CEP128: variants seen among roughly 807,000 people sequenced by gnomAD.
The protein encoded by CEP128 is centrosomal protein 128kDa.
In CEP128, 132 loss-of-function variants were observed where a neutral mutation model predicts 156.7. That is an observed-to-expected ratio of 0.84 (90% CI 0.73 to 0.97). The LOEUF is 0.97. Among genes scored for constraint, CEP128 ranks in the 50% least tolerant of loss-of-function variants. CEP128 has a pLI of 0.00. For synonymous variants in CEP128, 469 were observed against 448.9 expected (o/e 1.04, Z -0.57); for missense variants, 1,252 against 1,281.9 (o/e 0.98, Z 0.36).
chr14:80,773,323 C>T (rs2139746141), intron 16 of CEP128, among the ~76,000 whole-genome samples: 1 of 152,010 alleles, frequency 6.6e-6, no homozygotes, highest in Non-Finnish European at 1.5e-5. Context: ...ATAAATTTTT[C>T]TCATTGTATA....
At chr14:80,820,419 C>T (rs1440865059) in intron 13 of CEP128, among the ~76,000 whole-genome samples, 1 of 152,020 alleles carries the variant, frequency 6.6e-6, no homozygotes, top group Non-Finnish European at 1.5e-5. Flanking sequence ...AGGGGCAGAC[C>T]CAAAGCTATG....
chr14:80,894,902 G>A (rs1279404524), intron 8 of CEP128, among the ~76,000 whole-genome samples: 2 of 150,820 alleles, frequency 1.3e-5, no homozygotes, highest in African/African-American at 4.9e-5. Flanking sequence ...ATTAACAACT[G>A]GAGAAAAATT....
At chr14:80,543,142 G>A (rs1464162756) in intron 21 of CEP128, among the ~76,000 whole-genome samples, 1 of 152,146 alleles carries the variant, frequency 6.6e-6, no homozygotes, top group Non-Finnish European at 1.5e-5. Context: ...GTGGCATTGA[G>A]ATTTATTTCA....
chr14:80,905,808 T>G, intron 5 of CEP128, 147 bp downstream of exon 5: 1 of 689,994 alleles, frequency 1.4e-6, no homozygotes, highest in Non-Finnish European at 2.3e-6. Flanking sequence ...TTTCAAAGCA[T>G]GTACTATAAA....
intron 19 of CEP128, among the ~76,000 whole-genome samples, chr14:80,656,927 T>G (rs1379453068): frequency 2.0e-5 from 3 of 152,190 alleles, no homozygotes; most frequent in African/African-American, 7.2e-5. Context: ...TTTGACTAGT[T>G]GGAAGTCCAT....
Position 80,777,959 on chromosome 14 carries a change from C to A in CEP128, c.2299G>T (p.Glu767Ter). 1.9e-6 allele frequency: 3 copies of A among 1,612,882 alleles called. No individual in the cohort carries two copies. The highest frequency in any genetic ancestry group is 2.2e-5 in the East Asian group (1 of 44,790). ...TTCTCATTTTCATTCTGGGTTAATT[C>A]CTCTGTCAGTCTGTCACACTGTGAT... ...LKSQCDRLTE[E>*]LTQNENENKK... is the part of the protein sequence containing the mutation. The change falls in exon 16 of 25, where the codon GAA becomes TAA. Residue 767 changes from glutamate (E) to a stop codon, truncating the protein, a stop_gained. Transcript: ENST00000555265. LOFTEE classifies it high-confidence loss of function.
chr14:80,496,013 A>G (rs4899771), downstream of CEP128, among the ~76,000 whole-genome samples: 119,714 of 152,120 alleles, frequency 0.79, 49,257 homozygotes, highest in Middle Eastern at 0.9. Flanking sequence ...ATGCTCATTA[A>G]TACATTACAT....
intron 15 of CEP128, among the ~76,000 whole-genome samples, chr14:80,778,325 C>A (rs1900914106): frequency 6.6e-6 from 1 of 152,058 alleles, no homozygotes; most frequent in Non-Finnish European, 1.5e-5. Flanking sequence ...ATCTATTTGA[C>A]AACACTGAAA....
intron 19 of CEP128, among the ~76,000 whole-genome samples, chr14:80,642,935 T>C (rs1327655617): frequency 6.6e-6 from 1 of 151,822 alleles, no homozygotes; most frequent in Admixed American, 6.6e-5. Context: ...TTTGTATTTT[T>C]AGTAGAAGCA....
Position 80,676,897 on chromosome 14 carries a change from T to A in CEP128, c.2806+66178A>T, listed in dbSNP as rs2140949436. On this transcript the variant is annotated intron_variant, in intron 19 of 24. Transcript: ENST00000555265. ...GCCAACCTGACCATTTTATATGATT[T>A]TTATACAATATTAGATATTTACATT... Among the ~76,000 whole-genome samples, 3 of 152,280 alleles carry A rather than the reference T, an allele frequency of 2.0e-5. No individual in the cohort carries two copies. The South Asian group carries it at 6.2e-4, about 32-fold the overall frequency.
intron 19 of CEP128, among the ~76,000 whole-genome samples, chr14:80,657,724 A>G (rs2140883089): frequency 6.6e-6 from 1 of 152,262 alleles, no homozygotes; most frequent in South Asian, 2.1e-4. Flanking sequence ...TGATTTCTAC[A>G]TGTAATTCCC....
intron 8 of CEP128, among the ~76,000 whole-genome samples, chr14:80,871,978 G>A (rs12101029): frequency 0.078 from 11,833 of 152,088 alleles, 495 homozygotes; most frequent in African/African-American, 0.096. Context: ...AAATAAATAT[G>A]TTATATATCC....
At chr14:80,629,215 A>G (rs1893861675) in intron 19 of CEP128, among the ~76,000 whole-genome samples, 1 of 152,092 alleles carries the variant, frequency 6.6e-6, no homozygotes, top group South Asian at 2.1e-4. Context: ...TTCTGATACT[A>G]GAGATCAGCG....
chr14:80,941,975 G>T (rs899212205), upstream of CEP128, among the ~76,000 whole-genome samples: 3 of 151,710 alleles, frequency 2.0e-5, no homozygotes, highest in African/African-American at 7.3e-5. Context: ...TAAAGGACCA[G>T]CCTCCTTTGT....
At chr14:80,899,276 CA>C (rs1355215956) in intron 7 of CEP128, among the ~76,000 whole-genome samples, 2 of 152,156 alleles carry the variant, frequency 1.3e-5, no homozygotes, top group Non-Finnish European at 2.9e-5. Context: ...AATTTCAATT[CA>C]GCTTTATTGT....
At chr14:80,681,615 G>T (rs1896326835) in intron 19 of CEP128, among the ~76,000 whole-genome samples, 6 of 152,192 alleles carry the variant, frequency 3.9e-5, no homozygotes, top group Admixed American at 3.9e-4. Flanking sequence ...TTCTCATGAG[G>T]TGATGGTTTT....
chr14:80,570,023 A>T (rs1891071611), intron 20 of CEP128, among the ~76,000 whole-genome samples: 1 of 152,226 alleles, frequency 6.6e-6, no homozygotes, highest in Non-Finnish European at 1.5e-5. Context: ...GCTATTAACG[A>T]AAACATCCCT....
At chr14:80,480,865 T>C (rs750741160) in intron 14 of CEP128, among the ~76,000 whole-genome samples, 5 of 152,174 alleles carry the variant, frequency 3.3e-5, no homozygotes, top group Non-Finnish European at 5.9e-5. Context: ...AAGCGTCACC[T>C]TTACTCCAGT....
chr14:80,642,773 T>TTTTTTTTTTTTTTTTTCTTTTACCCA, intron 19 of CEP128, among the ~76,000 whole-genome samples: 1 of 151,898 alleles, frequency 6.6e-6, no homozygotes. Flanking sequence ...TTTTTTTTTT[T>TTTTTTTTTTTTTTTTTCTTTTACCCA]GAGACAGAGT....
Sources: allele counts gnomAD v4.1 joint callset (sites outside exome capture counted in the v4.1 genomes callset), GRCh38; gene constraint gnomAD v4.1.1; transcripts MANE v1.5; gene names NCBI Gene and HGNC (gene_info 2026-07-23, HGNC 2026-07-21).